The following ILDR1 variants were observed in gnomAD, a reference collection of about 807,000 sequenced individuals.
ILDR1 encodes immunoglobulin-like domain-containing receptor 1.
ILDR1 carries 56 observed loss-of-function variants against 62.4 expected under a neutral mutation model. That is an observed-to-expected ratio of 0.90 (90% confidence interval 0.72 to 1.12). The LOEUF (loss-of-function observed/expected upper bound fraction) is 1.12, where lower values mean the gene tolerates loss of function less well. ILDR1 is among the 50% of genes most tolerant of loss of function. The pLI is 0.00. For missense variants in ILDR1, 736 were observed against 710.6 expected, an observed-to-expected ratio of 1.04 and a Z score of -0.41; for synonymous variants, 284 against 277.8, an observed-to-expected ratio of 1.02 and a Z score of -0.22.
In ILDR1 at chr3:122,005,324, C is replaced by T. The variant is rs774181771; in HGVS notation, c.299G>A (p.Arg100His). ...CTGCCCCCGCCGCTGGGCCACTATGCGAACTTCCCGCTGGTTGTCGTTGCA... is the reference window on the plus strand; with the variant it reads ...CTGCCCCCGCCGCTGGGCCACTATGTGAACTTCCCGCTGGTTGTCGTTGCA... The part of the protein sequence containing the change: ...NDCNDNQREV[R>H]IVAQRRGQNE... Residue 100 changes from arginine (R) to histidine (H), a missense_variant, in exon 3 of 8, where the codon CGC (arginine) becomes CAC (histidine). Transcript: ENST00000344209. 1.9e-6 allele frequency: 3 copies of T among 1,614,048 alleles called. No homozygotes were observed. Among genetic ancestry groups the T allele is most frequent in the Non-Finnish European group, 2.5e-6 (3 of 1,179,984 alleles).
At chr3:122,057,169 C>T in the ILDR1 span, among the ~76,000 whole-genome samples, 1 of 152,180 alleles carries the variant, frequency 6.6e-6, no homozygotes, top group African/African-American at 2.4e-5. Context: ...GTGATATCAT[C>T]TTTCTGGACA....
intron 2 of ILDR1, among the ~76,000 whole-genome samples, chr3:122,006,555 G>A (rs2071613552): frequency 6.6e-6 from 1 of 152,058 alleles, no homozygotes; most frequent in African/African-American, 2.4e-5. Context: ...ACTGAAGAAG[G>A]GAATATAGCA....
chr3:122,014,481 T>A (rs2071751003), intron 1 of ILDR1, among the ~76,000 whole-genome samples: 1 of 152,240 alleles, frequency 6.6e-6, no homozygotes, highest in Non-Finnish European at 1.5e-5. Context: ...ATGAGCCACT[T>A]TTATTTACAC....
chr3:121,994,085 A>T (rs1201716192), intron 6 of ILDR1, 97 bp downstream of exon 6: 1 of 1,503,462 alleles, frequency 6.7e-7, no homozygotes, highest in Non-Finnish European at 9.0e-7. Context: ...TCCATCATGA[A>T]GATGCCTGCC....
chr3:122,032,692 C>T, the ILDR1 span, among the ~76,000 whole-genome samples: 1 of 152,212 alleles, frequency 6.6e-6, no homozygotes, highest in African/African-American at 2.4e-5. Context: ...GGTACTATAG[C>T]TTCTTCCTTG....
chr3:122,004,559 C>T (rs2071575393), intron 3 of ILDR1, among the ~76,000 whole-genome samples: 1 of 152,180 alleles, frequency 6.6e-6, no homozygotes, highest in Admixed American at 6.5e-5. Context: ...TCAGGGCTCT[C>T]ACCACTACTC....
chr3:122,039,700 C>T, the ILDR1 span, among the ~76,000 whole-genome samples: 16 of 151,690 alleles, frequency 1.1e-4, no homozygotes, highest in African/African-American at 2.2e-4. Flanking sequence ...AGAATATACA[C>T]GAAGAAATGA....
the ILDR1 span, among the ~76,000 whole-genome samples, chr3:122,054,115 C>T: frequency 1.3e-5 from 2 of 152,084 alleles, no homozygotes; most frequent in Admixed American, 1.3e-4. Flanking sequence ...GTTGATTTTG[C>T]TTCCTTGCTC....
chr3:121,993,071 C>CTG, intron 7 of ILDR1, 79 bp downstream of exon 7: 1 of 1,170,196 alleles, frequency 8.5e-7, no homozygotes. Flanking sequence ...GAGAGGCAGC[C>CTG]TGTGTTGGCT....
intron 7 of ILDR1, among the ~76,000 whole-genome samples, chr3:121,992,193 A>G (rs1394822416): frequency 6.6e-6 from 1 of 152,108 alleles, no homozygotes; most frequent in African/African-American, 2.4e-5. Context: ...CTGGAGTGCA[A>G]TGGCACGATC....
At chr3:121,994,637 A>G (rs2071410879) in intron 5 of ILDR1, among the ~76,000 whole-genome samples, 1 of 152,246 alleles carries the variant, frequency 6.6e-6, no homozygotes, top group Non-Finnish European at 1.5e-5. Context: ...CATGGATACT[A>G]GCATACAATG....
chr3:122,057,505 G>C, the ILDR1 span, among the ~76,000 whole-genome samples: 5 of 152,218 alleles, frequency 3.3e-5, no homozygotes, highest in African/African-American at 1.2e-4. Flanking sequence ...CATGATACAT[G>C]TATACAAACA....
At chr3:122,048,682 T>C in the ILDR1 span, among the ~76,000 whole-genome samples, 1 of 152,242 alleles carries the variant, frequency 6.6e-6, no homozygotes. Context: ...TGTGTCCATT[T>C]CTTTTAGGTT....
At chr3:122,003,677 A>G (rs2071561207) in intron 3 of ILDR1, among the ~76,000 whole-genome samples, 1 of 152,206 alleles carries the variant, frequency 6.6e-6, no homozygotes, top group Admixed American at 6.5e-5. Context: ...AAATAAAAAC[A>G]GAGGAGAATA....
chr3:122,009,323 A>AC (rs1329739245), intron 1 of ILDR1, among the ~76,000 whole-genome samples: 11 of 133,400 alleles, frequency 8.2e-5, no homozygotes, highest in South Asian at 2.5e-4. Flanking sequence ...ACTCAATTTA[A>AC]AACACACACA....
Position 121,993,563 on chromosome 3 carries a change from C to T in ILDR1, c.1186G>A (p.Asp396Asn), listed in dbSNP as rs1288021402. Residue 396 changes from aspartate (D) to asparagine (N), a missense_variant, in exon 7 of 8, where the codon GAC becomes AAC. Physicochemically the swap from Asp to Asn is conservative, Grantham distance 23. Coordinates refer to ENST00000344209, the MANE Select transcript of ILDR1 (RefSeq NM_001199799.2). ...CGGTGCCTTCCACTCCACGATGGGT[C>T]CAACTCCCTTCTTTCCAATGCCCAA... ...KSWALERREL[D>N]PSWSGRHRSS... 5.6e-6 allele frequency: 9 copies of T among 1,614,104 alleles called. No individual in the cohort carries two copies. The highest frequency in any genetic ancestry group is 7.6e-6 in the Non-Finnish European group (9 of 1,180,048).
chr3:122,049,754 T>C, the ILDR1 span, among the ~76,000 whole-genome samples: 1 of 152,214 alleles, frequency 6.6e-6, no homozygotes, highest in Non-Finnish European at 1.5e-5. Flanking sequence ...TCTTGGGACG[T>C]GATTAAATAA....
At chr3:122,057,542 G>A in the ILDR1 span, among the ~76,000 whole-genome samples, 4 of 152,138 alleles carry the variant, frequency 2.6e-5, no homozygotes, top group Non-Finnish European at 5.9e-5. Context: ...TAGGTAGTTT[G>A]TATTTTCTAC....
chr3:122,006,492 G>T (rs1027939753), intron 2 of ILDR1, among the ~76,000 whole-genome samples: 2 of 152,166 alleles, frequency 1.3e-5, no homozygotes, highest in African/African-American at 4.8e-5. Flanking sequence ...GGCTGCCTGG[G>T]GGGGCACTGG....
Sources: allele counts gnomAD v4.1 joint callset (sites outside exome capture counted in the v4.1 genomes callset), GRCh38; gene constraint gnomAD v4.1.1; transcripts MANE v1.5; gene names NCBI Gene and HGNC (gene_info 2026-07-23, HGNC 2026-07-21).